The following IGF2R variants were observed in gnomAD, a reference collection of about 807,000 sequenced individuals.
IGF2R encodes insulin like growth factor 2 receptor, also known as cation-independent mannose-6-phosphate receptor.
A neutral mutation model predicts 270.6 loss-of-function variants in IGF2R; 91 were observed. The ratio of observed to expected loss-of-function variants is 0.34; its 90% confidence interval spans 0.28 to 0.40. IGF2R has a LOEUF of 0.40. Ranked by LOEUF, IGF2R falls within the 10% of genes least tolerant of loss-of-function variation. The pLI is 1.00. For synonymous variants in IGF2R, 1,316 were observed against 1,258.9 expected, an observed-to-expected ratio of 1.05 and a Z score of -0.96; for missense variants, 2,805 against 3,188.3, an observed-to-expected ratio of 0.88 and a Z score of 2.90.
intron 2 of IGF2R, chr6:160,006,795 T>TAATGTAG (rs1784247221): frequency 6.6e-6 from 1 of 152,216 alleles, no homozygotes; most frequent in Non-Finnish European, 1.5e-5. Context: ...TTGTTTTGTA[T>TAATGTAG]AATGTAGCGA....
chr6:160,080,082 C>A, intron 38 of IGF2R, 47 bp from the exon 39 acceptor site: 2 of 1,602,406 alleles, frequency 1.2e-6, no homozygotes, highest in Non-Finnish European at 1.7e-6. Flanking sequence ...GTGATTGTGC[C>A]TGGCGAGGCA....
At chr6:160,074,072 C>A in intron 35 of IGF2R, 97 bp downstream of exon 35, 4 of 827,900 alleles carry the variant, frequency 4.8e-6, no homozygotes, top group Admixed American at 4.9e-5. Flanking sequence ...GTTGCTCAAG[C>A]ATAAAAAAAA....
At position 160,004,144 on chromosome 6, in the gene IGF2R, G is replaced by A. The variant is rs1400863523; in HGVS notation, c.290-4866G>A. On this transcript the variant is annotated intron_variant, in intron 2 of 47. Transcript: ENST00000356956. This position sits in a 1 kb window ranked among gnomAD's most constrained non-coding sequence, Gnocchi z 5.2. ...TAGTATATGTTGAAGGAAACGCTAA[G>A]TGGGTGGTGCAGGGGAGAGAGGAAG... The A allele has an allele frequency of 6.6e-6, 1 of 152,218 alleles. No homozygotes were observed. The highest frequency in any genetic ancestry group is 1.5e-5 in the Non-Finnish European group (1 of 68,046). The allele number at this position is 152,218 out of a possible 1,614,324, so 9.4% of individuals were successfully genotyped here. A position where few individuals can be genotyped will look rare whatever the true frequency, so the allele number is the denominator to read the frequency against.
intron 44 of IGF2R, 107 bp downstream of exon 44, chr6:160,090,210 C>A: frequency 1.3e-6 from 1 of 747,358 alleles, no homozygotes; most frequent in East Asian, 3.2e-5. Flanking sequence ...ACTTTTAAAA[C>A]AAAAACCTTG....
intron 9 of IGF2R, among the ~76,000 whole-genome samples, chr6:160,033,601 C>T (rs748847535): frequency 1.3e-5 from 2 of 152,236 alleles, no homozygotes; most frequent in Non-Finnish European, 2.9e-5. Context: ...AAATGTTTTT[C>T]CTGGCTTTAG....
chr6:159,978,516 G>T (rs532844492), intron 1 of IGF2R, among the ~76,000 whole-genome samples: 13 of 152,242 alleles, frequency 8.5e-5, no homozygotes, highest in Middle Eastern at 3.4e-3. Flanking sequence ...GGTCAAGGGG[G>T]TCCTGTCCTC....
intron 4 of IGF2R, among the ~76,000 whole-genome samples, chr6:160,016,101 T>C (rs906674632): frequency 2.0e-5 from 3 of 152,214 alleles, no homozygotes; most frequent in African/African-American, 7.2e-5. Context: ...TACAGACTGC[T>C]TGGGACTGGG....
intron 42 of IGF2R, 130 bp downstream of exon 42, chr6:160,088,277 T>C (rs1053232978): frequency 3.0e-6 from 2 of 675,766 alleles, no homozygotes; most frequent in Non-Finnish European, 5.4e-6. Context: ...GATTGTGCTG[T>C]ATTGGGCGGG....
At chr6:160,029,369 CT>C (rs57359755) in intron 6 of IGF2R, among the ~76,000 whole-genome samples, 180 bp from the exon 7 acceptor site, 28,046 of 147,130 alleles carry the variant, frequency 0.19, 3,193 homozygotes, top group East Asian at 0.52. Flanking sequence ...TTACTTAAAA[CT>C]TTTTTTTTTT....
Position 160,001,029 on chromosome 6 carries a change from G to A in IGF2R, c.290-7981G>A, listed in dbSNP as rs537707705. Among the ~76,000 whole-genome samples, 40 of 152,060 alleles carry A rather than the reference G, an allele frequency of 2.6e-4. No homozygotes were observed. The South Asian group carries it at 3.1e-3, about 12-fold the overall frequency. On this transcript the variant is annotated intron_variant, in intron 2 of 47. Coordinates refer to ENST00000356956, the MANE Select transcript of IGF2R (RefSeq NM_000876.4). ...TGGGATTACAGGTGTGAGCCACCAC[G>A]CCTGGCCTGGTATGAGTTTTAAAGT...
intron 6 of IGF2R, among the ~76,000 whole-genome samples, chr6:160,028,165 C>T (rs377649600): frequency 3.8e-4 from 58 of 152,230 alleles, no homozygotes; most frequent in Non-Finnish European, 6.8e-4. Context: ...CTGAAGAAGG[C>T]GTCACCGGGG....
chr6:160,045,878 GGCAGGTCTGTGTCCAA>G lies in IGF2R; in HGVS notation c.1903+2_1903+17del. On this transcript the variant is annotated splice_donor_variant and splice_donor_5th_base_variant and coding_sequence_variant and intron_variant, in exon 14 of 48. Coordinates refer to ENST00000356956, the MANE Select transcript of IGF2R (RefSeq NM_000876.4). LOFTEE classifies it high-confidence loss of function. ...AGAACTGCACGGTCTTTGACTCCCA[GGCAGGTCTGTGTCCAA>G]GCAGGACCTCTGCTTTAATGTGACT... 1 of 1,557,984 alleles carries G rather than the reference GGCAGGTCTGTGTCCAA, an allele frequency of 6.4e-7. No homozygotes were observed. Among genetic ancestry groups the G allele is most frequent in the Non-Finnish European group, 8.7e-7 (1 of 1,154,620 alleles).
At chr6:160,011,500 T>A (rs943132830) in intron 4 of IGF2R, among the ~76,000 whole-genome samples, 1 of 151,756 alleles carries the variant, frequency 6.6e-6, no homozygotes. Context: ...ATGTATACAT[T>A]GAGGAATGGC....
At chr6:160,037,725 T>C (rs4709391) in intron 10 of IGF2R, among the ~76,000 whole-genome samples, 29,008 of 152,136 alleles carry the variant, frequency 0.19, 3,375 homozygotes, top group East Asian at 0.52. Flanking sequence ...CTACTCACAA[T>C]TTAAGTGGCT....
chr6:160,068,063 GGGGTGTGTGTGTGTGTGTGTGT>G (rs1299987135), intron 29 of IGF2R, among the ~76,000 whole-genome samples, 164 bp from the exon 30 acceptor site: 5 of 95,262 alleles, frequency 5.2e-5, no homozygotes, highest in South Asian at 3.4e-4. Context: ...ATTCTGATGG[GGGGTGTGTGTGTGTGTGTGTGT>G]GTGTGTGTGT....
Position 160,069,926 on chromosome 6 carries a change from C to A in IGF2R, c.4311C>A (p.Leu1437=). ...CLLGGSKPVN[L]GRVRDGPQWR... is the part of the protein sequence containing the mutation. ...TGGGTGGCTCCAAGCCCGTGAACCT[C>A]GGCAGGGTAAGGGACGGACCTCAGT... is the stretch of plus-strand genomic sequence containing the variant. The change falls in exon 31 of 48, where the codon CTC becomes CTA. Residue 1437 remains leucine, a synonymous_variant. Transcript: ENST00000356956. 6.2e-7 allele frequency: 1 copy of A among 1,614,168 alleles called. No individual in the cohort carries two copies. Among genetic ancestry groups the A allele is most frequent in the Non-Finnish European group, 8.5e-7 (1 of 1,180,026 alleles).
rs751104930 is a variant in IGF2R, at chr6:160,090,083, A to G, written c.6635A>G (p.Lys2212Arg). ...HFSRKVGTSD[K>R]TKYYLQDGDL... ...AGTCGGAAAGTTGGAACCTCTGACA[A>G]GACCAAGTACTACCTTCAAGGTAAT... The change falls in exon 44 of 48, where the codon AAG (lysine) becomes AGG (arginine). Residue 2212 changes from lysine to arginine, a missense_variant. Transcript: ENST00000356956. 1 of 1,561,388 alleles carries G rather than the reference A, an allele frequency of 6.4e-7. No individual in the cohort carries two copies. Among genetic ancestry groups the G allele is most frequent in the African/African-American group, 1.4e-5 (1 of 72,566 alleles).
chr6:160,052,338 T>G (rs1280692462), intron 19 of IGF2R, among the ~76,000 whole-genome samples: 2 of 152,152 alleles, frequency 1.3e-5, no homozygotes, highest in Non-Finnish European at 2.9e-5. Flanking sequence ...TCACAATTGC[T>G]ACAGAGAGAA....
chr6:160,051,639 G>T (rs996644393), intron 19 of IGF2R, among the ~76,000 whole-genome samples: 1 of 152,136 alleles, frequency 6.6e-6, no homozygotes, highest in Non-Finnish European at 1.5e-5. Flanking sequence ...AGGGCTGTAT[G>T]TGTAATACAA....
Sources: gnomAD v4.1 joint callset for allele counts (sites outside exome capture counted in the v4.1 genomes callset) on GRCh38, gnomAD v4.1.1 for gene constraint, Gnocchi (gnomAD v3.1) non-coding constraint, MANE v1.5 for transcripts, NCBI Gene and HGNC (gene_info 2026-07-23, HGNC 2026-07-21) for gene names.